The following LST1 variants were observed in gnomAD, a reference collection of about 807,000 sequenced individuals.
LST1 encodes the protein leukocyte specific transcript 1.
A neutral mutation model predicts 8.5 loss-of-function variants in LST1; 9 were observed. That is an observed-to-expected ratio of 1.06 (90% CI 0.64 to 1.85). The LOEUF is 1.85. Among genes scored for constraint, LST1 ranks in the 40% most tolerant of loss-of-function variants. The pLI is 0.00. For synonymous variants in LST1, 53 were observed against 50.4 expected (o/e 1.05, Z -0.21); for missense variants, 121 against 117.1 (o/e 1.03, Z -0.16).
intron 3 of LST1, 42 bp from the exon 4 acceptor site, chr6:31,587,902 G>A: frequency 1.3e-6 from 2 of 1,597,958 alleles, no homozygotes; most frequent in Non-Finnish European, 1.7e-6. Flanking sequence ...CCCGGGAGAA[G>A]CACAAAGGGT....
Position 31,587,790 on chromosome 6 carries a change from CA to C in LST1, c.112+58del, listed in dbSNP as rs1233160501. 3 of 1,497,952 alleles carry C rather than the reference CA, an allele frequency of 2.0e-6. No individual in the cohort carries two copies. The Admixed American group carries it at 6.0e-5, about 30-fold the overall frequency. 92.8% of individuals were successfully genotyped at this position (1,497,952 alleles called of 1,614,324 possible). On this transcript the variant is annotated intron_variant, in intron 3 of 4. Coordinates refer to ENST00000438075, the MANE Select transcript of LST1 (RefSeq NM_205839.3). ...GCAGTGCCCCCTGTGCCCCCACCCCCACACGCTTTCCCACTGCTTTCCCAGA... is the reference window on the plus strand; with the variant it reads ...GCAGTGCCCCCTGTGCCCCCACCCCCCACGCTTTCCCACTGCTTTCCCAGA...
intron 3 of LST1, 85 bp downstream of exon 3, chr6:31,587,818 C>A: frequency 6.6e-7 from 1 of 1,512,852 alleles, no homozygotes; most frequent in Non-Finnish European, 9.0e-7. Context: ...TTTCCCAGAA[C>A]ACTGCCTGGC....
At chr6:31,588,484 C>G (rs751199222) in intron 4 of LST1, 34 bp from the exon 5 acceptor site, 2 of 1,562,572 alleles carry the variant, frequency 1.3e-6, no homozygotes, top group Non-Finnish European at 1.7e-6. Context: ...CTGACGGCAT[C>G]GCCTCCCATC....
At chr6:31,587,400 C>T (rs879014579) in intron 2 of LST1, 82 bp downstream of exon 2, 10 of 1,506,122 alleles carry the variant, frequency 6.6e-6, no homozygotes, top group South Asian at 5.6e-5. Flanking sequence ...GTATGCAGCT[C>T]ATGACTAGGT....
At position 31,588,830 on chromosome 6, in the gene LST1, T is replaced by G; in HGVS notation, c.*154T>G. 1.1e-6 allele frequency: 1 copy of G among 951,108 alleles called. No individual in the cohort carries two copies. Among genetic ancestry groups the G allele is most frequent in the Non-Finnish European group, 1.6e-6 (1 of 622,922 alleles). 58.9% of individuals were successfully genotyped at this position (951,108 alleles called of 1,614,324 possible). ...TGATCATCATCAAAACTTATGTGGC[T>G]TTTTGACCTTTGAATAGGGAATTTT... is the stretch of plus-strand genomic sequence containing the variant. On this transcript the variant is annotated 3_prime_UTR_variant, in exon 5 of 5. Coordinates refer to ENST00000438075, the MANE Select transcript of LST1 (RefSeq NM_205839.3).
intron 4 of LST1, 163 bp from the exon 5 acceptor site, chr6:31,588,355 A>G: frequency 2.7e-6 from 2 of 736,946 alleles, no homozygotes; most frequent in Non-Finnish European, 4.4e-6. Flanking sequence ...ACATAGTGGG[A>G]CTCTGTCTCC....
At position 31,588,878 on chromosome 6, in the gene LST1, TA is replaced by T. The variant is rs1385910087; in HGVS notation, c.*210del. The stretch of plus-strand genomic sequence containing the variant: ...TTTTTAAATTTTTTAAAAATTAAAA[TA>T]AAAAAAACACATGGCTCACCCTTCC... On this transcript the variant is annotated 3_prime_UTR_variant, in exon 5 of 5. Coordinates refer to ENST00000438075, the MANE Select transcript of LST1 (RefSeq NM_205839.3). 14 of 882,054 alleles carry T rather than the reference TA, an allele frequency of 1.6e-5. No individual in the cohort carries two copies. Among genetic ancestry groups the T allele is most frequent in the Non-Finnish European group, 2.1e-5 (12 of 584,204 alleles). 54.6% of individuals were successfully genotyped at this position (882,054 alleles called of 1,614,324 possible). A position where few individuals can be genotyped will look rare whatever the true frequency, so the allele number is the denominator to read the frequency against.
intron 1 of LST1, chr6:31,586,838 C>T (rs957800919): frequency 1.8e-5 from 3 of 170,794 alleles, no homozygotes; most frequent in African/African-American, 7.2e-5. Context: ...CTTCTTCCCC[C>T]CAGTGCCCAC....
At chr6:31,587,851 C>G (rs1330614268) in intron 3 of LST1, 93 bp from the exon 4 acceptor site, 9 of 1,555,616 alleles carry the variant, frequency 5.8e-6, no homozygotes, top group Admixed American at 3.7e-5. Flanking sequence ...GGGAAGCCAA[C>G]AGGGGAGTCC....
chr6:31,586,361 C>A (rs1771930015), intron 1 of LST1, 46 bp downstream of exon 1: 1 of 152,208 alleles, frequency 6.6e-6, no homozygotes, highest in Non-Finnish European at 1.5e-5. Flanking sequence ...ATGGTCACAC[C>A]CCAGAGTGGG....
Position 31,587,662 on chromosome 6 carries a change from T to C in LST1, c.41T>C (p.Leu14Pro). The C allele has an allele frequency of 6.2e-7, 1 of 1,603,408 alleles. No homozygotes were observed. Among genetic ancestry groups the C allele is most frequent in the Non-Finnish European group, 8.5e-7 (1 of 1,175,768 alleles). The part of the protein sequence containing the change: ...RNDDICIYGG[L>P]GLGGLLLLAV... ...GAAGATATATGTATCTACGGGGGCC[T>C]GGGGCTGGGCGGGCTCCTGCTTCTG... Residue 14 changes from leucine to proline, a missense_variant, in exon 3 of 5, where the codon CTG becomes CCG. Coordinates refer to ENST00000438075, the MANE Select transcript of LST1 (RefSeq NM_205839.3).
chr6:31,587,435 T>G (rs1239199650), intron 2 of LST1, 117 bp downstream of exon 2: 9 of 1,267,592 alleles, frequency 7.1e-6, no homozygotes, highest in African/African-American at 2.9e-5. Flanking sequence ...GGACAGCTGG[T>G]ACAGGAGGGA....
intron 4 of LST1, 178 bp from the exon 5 acceptor site, chr6:31,588,340 G>A (rs1772196419): frequency 4.3e-6 from 3 of 699,484 alleles, no homozygotes; most frequent in Non-Finnish European, 7.2e-6. Flanking sequence ...AGACAATCCT[G>A]GACAACATAG....
intron 1 of LST1, chr6:31,586,999 C>T (rs1347470135): frequency 1.8e-6 from 1 of 542,470 alleles, no homozygotes; most frequent in East Asian, 3.2e-5. Flanking sequence ...GGCCTTAAAC[C>T]CCAGCTCCAC....
In LST1 at chr6:31,587,680, T is replaced by G; in HGVS notation, c.59T>G (p.Leu20Arg). 6.2e-7 allele frequency: 1 copy of G among 1,603,330 alleles called. No individual in the cohort carries two copies. Among genetic ancestry groups the G allele is most frequent in the Non-Finnish European group, 8.5e-7 (1 of 1,176,160 alleles). Residue 20 changes from leucine to arginine, a missense_variant, in exon 3 of 5, where the codon CTG becomes CGG. Coordinates refer to ENST00000438075, the MANE Select transcript of LST1 (RefSeq NM_205839.3). Reference protein sequence around the residue: ...IYGGLGLGGLLLLAVVLLSAC... With the variant: ...IYGGLGLGGLRLLAVVLLSAC... ...GGGGGCCTGGGGCTGGGCGGGCTCC[T>G]GCTTCTGGCAGTGGTCCTTCTGTCC...
In LST1 at chr6:31,588,654, T is replaced by C; in HGVS notation, c.272T>C (p.Ile91Thr). The change falls in exon 5 of 5, where the codon ATT (isoleucine) becomes ACT (threonine). Residue 91 changes from isoleucine (I) to threonine (T), a missense_variant. Coordinates refer to ENST00000438075, the MANE Select transcript of LST1 (RefSeq NM_205839.3). ...KEDPRADYAC[I>T]AENKPT ...GATCCAAGAGCTGACTATGCCTGCATTGCTGAGAACAAACCCACCTGAGCA... is the reference window on the plus strand; with the variant it reads ...GATCCAAGAGCTGACTATGCCTGCACTGCTGAGAACAAACCCACCTGAGCA... 1 of 1,613,120 alleles carries C rather than the reference T, an allele frequency of 6.2e-7. No individual in the cohort carries two copies. The highest frequency in any genetic ancestry group is 1.7e-5 in the Admixed American group (1 of 60,018).
Position 31,587,738 on chromosome 6 carries a change from G to A in LST1, c.112+5G>A. ...TGTGTTGGCTGCATCGAAGAGGTGA[G>A]CGCTGCACTCCCTCCCTCCCCCTGC... is the stretch of plus-strand genomic sequence containing the variant. On this transcript the variant is annotated splice_donor_5th_base_variant and intron_variant, in intron 3 of 4. Transcript: ENST00000438075. The A allele has an allele frequency of 6.3e-7, 1 of 1,586,106 alleles. No individual in the cohort carries two copies. The highest frequency in any genetic ancestry group is 8.6e-7 in the Non-Finnish European group (1 of 1,166,066).
At chr6:31,588,477 A>G in intron 4 of LST1, 41 bp from the exon 5 acceptor site, 1 of 1,556,926 alleles carries the variant, frequency 6.4e-7, no homozygotes, top group Non-Finnish European at 8.7e-7. Context: ...GAAGGATCTG[A>G]CGGCATCGCC....
chr6:31,588,224 AAG>A (rs41266647), intron 4 of LST1: 41,871 of 452,250 alleles, frequency 0.093, 485 homozygotes, highest in South Asian at 0.1. Flanking sequence ...AGAGCAATGA[AAG>A]AGAGAGAGAG....
Sources: gnomAD v4.1 joint callset for allele counts on GRCh38, gnomAD v4.1.1 for gene constraint, MANE v1.5 for transcripts, NCBI Gene and HGNC (gene_info 2026-07-23, HGNC 2026-07-21) for gene names.